DYNC2H1: variants seen among roughly 807,000 people sequenced by gnomAD.
DYNC2H1 encodes dynein cytoplasmic 2 heavy chain 1, also known as cytoplasmic dynein 2 heavy chain 1.
In DYNC2H1, 410 loss-of-function variants were observed where a neutral mutation model predicts 570.0. That is an observed-to-expected ratio of 0.72 (90% CI 0.66 to 0.78). The LOEUF (loss-of-function observed/expected upper bound fraction) is 0.78, where lower values mean the gene tolerates loss of function less well. Ranked by LOEUF, DYNC2H1 falls within the 30% of genes least tolerant of loss-of-function variation. DYNC2H1 has a pLI of 0.00. For synonymous variants in DYNC2H1, 1,688 were observed against 1,677.6 expected (o/e 1.01, Z -0.15); for missense variants, 4,865 against 5,046.4 (o/e 0.96, Z 1.09).
chr11:103,347,164 T>C (rs187754402), intron 82 of DYNC2H1, among the ~76,000 whole-genome samples: 187 of 152,334 alleles, frequency 1.2e-3, no homozygotes, highest in African/African-American at 4.3e-3. Context: ...GGAACCAGAA[T>C]GTGGGACAGT....
At chr11:103,376,171 T>C (rs1941382153) in intron 83 of DYNC2H1, among the ~76,000 whole-genome samples, 1 of 152,222 alleles carries the variant, frequency 6.6e-6, no homozygotes, top group Non-Finnish European at 1.5e-5. Flanking sequence ...CCTTCGGCCA[T>C]GATTGTAAAT....
chr11:103,281,525 A>G (rs12294588), intron 71 of DYNC2H1, among the ~76,000 whole-genome samples: 5,161 of 151,896 alleles, frequency 0.034, 289 homozygotes, highest in African/African-American at 0.12. Flanking sequence ...GTGAAGCCAG[A>G]AAATATGTTG....
At chr11:103,346,320 C>A (rs1420778569) in intron 82 of DYNC2H1, among the ~76,000 whole-genome samples, 5 of 152,006 alleles carry the variant, frequency 3.3e-5, no homozygotes, top group Admixed American at 1.3e-4. Flanking sequence ...TCCATTTTTT[C>A]TCAGATATAC....
Position 103,404,336 on chromosome 11 carries a change from G to A in DYNC2H1, c.12366+4464G>A, listed in dbSNP as rs7943797. ...AGGTTTTCATGCAGGTTGGTTCTTCGAATGTGTGGTAAGGTGGTGGACAGC... is the reference window on the plus strand; with the variant it reads ...AGGTTTTCATGCAGGTTGGTTCTTCAAATGTGTGGTAAGGTGGTGGACAGC... On this transcript the variant is annotated intron_variant, in intron 84 of 88. Coordinates refer to ENST00000375735, the MANE Select transcript of DYNC2H1 (RefSeq NM_001377.3). 1.0e-3 allele frequency: 158 copies of A among 151,336 alleles called. 1 individual carries two copies. The highest frequency in any genetic ancestry group is 3.8e-3 in the African/African-American group (156 of 41,220). 9.4% of individuals were successfully genotyped at this position (151,336 alleles called of 1,614,324 possible).
intron 45 of DYNC2H1, among the ~76,000 whole-genome samples, chr11:103,190,180 T>C (rs1056432053): frequency 6.6e-6 from 1 of 152,236 alleles, no homozygotes; most frequent in Non-Finnish European, 1.5e-5. Context: ...CAGTCTTTGA[T>C]GTTTCTTTCT....
intron 22 of DYNC2H1, among the ~76,000 whole-genome samples, chr11:103,154,156 G>A (rs530287985): frequency 5.3e-5 from 8 of 151,628 alleles, no homozygotes; most frequent in East Asian, 1.9e-4. Flanking sequence ...TATGTATTAC[G>A]TACATATAAA....
At chr11:103,422,591 C>G (rs1253646932) in intron 84 of DYNC2H1, among the ~76,000 whole-genome samples, 1 of 152,086 alleles carries the variant, frequency 6.6e-6, no homozygotes, top group Admixed American at 6.6e-5. Flanking sequence ...ACAAAAAACA[C>G]ATGATTATCT....
intron 20 of DYNC2H1, among the ~76,000 whole-genome samples, chr11:103,149,038 C>T (rs1860391814): frequency 6.6e-6 from 1 of 152,072 alleles, no homozygotes; most frequent in African/African-American, 2.4e-5. Context: ...GCCTGGGTGA[C>T]AGAGCGAGAC....
At chr11:103,364,385 C>T (rs1475626851) in intron 83 of DYNC2H1, among the ~76,000 whole-genome samples, 2 of 151,376 alleles carry the variant, frequency 1.3e-5, no homozygotes, top group African/African-American at 2.4e-5. Context: ...AGAATAGTTT[C>T]GTAATTGGTC....
intron 63 of DYNC2H1, among the ~76,000 whole-genome samples, chr11:103,238,601 A>G (rs1367299783): frequency 6.6e-6 from 1 of 150,562 alleles, no homozygotes; most frequent in African/African-American, 2.4e-5. Flanking sequence ...ACACACACAC[A>G]CACCCCAATG....
chr11:103,121,299 C>G, intron 9 of DYNC2H1, 73 bp from the exon 10 acceptor site: 1 of 1,478,442 alleles, frequency 6.8e-7, no homozygotes, highest in Non-Finnish European at 9.1e-7. Context: ...TGACATAGTG[C>G]TTGGTACGTG....
chr11:103,124,750 T>A (rs1858904013), intron 11 of DYNC2H1, among the ~76,000 whole-genome samples: 1 of 152,202 alleles, frequency 6.6e-6, no homozygotes, highest in Non-Finnish European at 1.5e-5. Flanking sequence ...CTGATTTTTT[T>A]AAAAATCAAA....
intron 18 of DYNC2H1, among the ~76,000 whole-genome samples, chr11:103,144,883 G>A (rs201803782): frequency 0.22 from 27 of 122 alleles, no homozygotes; most frequent in South Asian, 0.44. Context: ...ATGATAATTA[G>A]TTATTTTTTT....
intron 85 of DYNC2H1, 137 bp from the exon 86 acceptor site, chr11:103,455,049 A>G: frequency 1.8e-6 from 1 of 549,282 alleles, no homozygotes; most frequent in Non-Finnish European, 3.1e-6. Context: ...GTAAAATGGA[A>G]ATGTTATATA....
intron 10 of DYNC2H1, 104 bp downstream of exon 10, chr11:103,121,600 C>A: frequency 1.6e-6 from 2 of 1,245,876 alleles, no homozygotes; most frequent in Non-Finnish European, 2.2e-6. Context: ...CTCTGTTTTC[C>A]TTGGCATGTC....
At chr11:103,470,068 A>G (rs2135852897) in intron 88 of DYNC2H1, among the ~76,000 whole-genome samples, 1 of 152,336 alleles carries the variant, frequency 6.6e-6, no homozygotes, top group East Asian at 1.9e-4. Flanking sequence ...AACCCAAACA[A>G]TAAAAATAGA....
At chr11:103,452,777 T>C (rs1277577197) in intron 85 of DYNC2H1, among the ~76,000 whole-genome samples, 1 of 148,078 alleles carries the variant, frequency 6.8e-6, no homozygotes, top group Non-Finnish European at 1.5e-5. Context: ...ACAGTTATTT[T>C]TGTATGTCTC....
In DYNC2H1 at chr11:103,211,286, C is replaced by T. The variant is rs183890388; in HGVS notation, c.8540-503C>T. On this transcript the variant is annotated intron_variant, in intron 53 of 88. Transcript: ENST00000375735. ...CAGGGAATACAGATGCAAATTGTGTCGGTGAGAGGAATATAATGTGTTTGA... is the reference window on the plus strand; with the variant it reads ...CAGGGAATACAGATGCAAATTGTGTTGGTGAGAGGAATATAATGTGTTTGA... Among the ~76,000 whole-genome samples, 708 of 151,702 alleles carry T rather than the reference C, an allele frequency of 4.7e-3. 13 individuals carry two copies. The highest frequency in any genetic ancestry group is 3.4e-3 in the Non-Finnish European group (233 of 67,866).
chr11:103,260,858 A>T (rs1310452538), intron 70 of DYNC2H1, among the ~76,000 whole-genome samples: 2 of 151,716 alleles, frequency 1.3e-5, no homozygotes, highest in African/African-American at 4.8e-5. Flanking sequence ...GCCTCATGTG[A>T]TCTGCCCTCC....
Sources: allele counts gnomAD v4.1 joint callset (sites outside exome capture counted in the v4.1 genomes callset), GRCh38; gene constraint gnomAD v4.1.1; transcripts MANE v1.5; gene names NCBI Gene and HGNC (gene_info 2026-07-23, HGNC 2026-07-21).